OR10G4: variants seen among roughly 807,000 people sequenced by gnomAD.
OR10G4 encodes the protein olfactory receptor family 10 subfamily G member 4.
For synonymous variants in OR10G4, 130 were observed against 159.3 expected (o/e 0.82, Z 1.39); for missense variants, 318 against 388.8 (o/e 0.82, Z 1.53).
Position 124,015,534 on chromosome 11 carries a change from C to G in OR10G4, c.-27-14C>G, listed in dbSNP as rs761967122. ...AATTAAGTGCTAAATGCTGGGTGCTCTTTATATCCCCAGAGGGAGAGAGAC... is the reference window on the plus strand; with the variant it reads ...AATTAAGTGCTAAATGCTGGGTGCTGTTTATATCCCCAGAGGGAGAGAGAC... On this transcript the variant is annotated splice_polypyrimidine_tract_variant and intron_variant, in intron 1 of 1. Transcript: ENST00000641722. The G allele has an allele frequency of 6.3e-7, 1 of 1,593,988 alleles. No homozygotes were observed. The highest frequency in any genetic ancestry group is 8.6e-7 in the Non-Finnish European group (1 of 1,167,692).
At position 124,015,434 on chromosome 11, in the gene OR10G4, C is replaced by A. The variant is rs996058182; in HGVS notation, c.-27-114C>A. On this transcript the variant is annotated intron_variant, in intron 1 of 1. Coordinates refer to ENST00000641722, the MANE Select transcript of OR10G4 (RefSeq NM_001004462.2). The stretch of plus-strand genomic sequence containing the variant: ...TCTGTGAGGGAAGCTTTGTAACAAG[C>A]GAAGTGCAGGATAACTCCAGAATTA... The A allele has an allele frequency of 4.9e-6, 5 of 1,010,196 alleles. No individual in the cohort carries two copies. In the Admixed American group the frequency reaches 8.3e-5, roughly 17 times the overall value. 62.6% of individuals were successfully genotyped at this position (1,010,196 alleles called of 1,614,324 possible). A position where few individuals can be genotyped will look rare whatever the true frequency, so the allele number is the denominator to read the frequency against.
rs569029260 is a variant in OR10G4, at chr11:124,017,451, T to A, written c.*941T>A. 1 of 152,280 alleles carries A rather than the reference T, an allele frequency of 6.6e-6. No individual in the cohort carries two copies. The highest frequency in any genetic ancestry group is 2.4e-5 in the African/African-American group (1 of 41,552). 9.4% of individuals were successfully genotyped at this position (152,280 alleles called of 1,614,324 possible). A position where few individuals can be genotyped will look rare whatever the true frequency, so the allele number is the denominator to read the frequency against. The stretch of plus-strand genomic sequence containing the variant: ...GCTATAGGTCAGGAGTGTTAAACAT[T>A]CCACAATGCACAGGAGAGACCCTCA... On this transcript the variant is annotated 3_prime_UTR_variant, in exon 2 of 2. Transcript: ENST00000641722.
In OR10G4 at chr11:124,017,306, G is replaced by T. The variant is rs1483952467; in HGVS notation, c.*796G>T. On this transcript the variant is annotated 3_prime_UTR_variant, in exon 2 of 2. Transcript: ENST00000641722. ...TGCACCCATTTTTAATGTTTGTTAA[G>T]ATCCAATATAAAAAATTAAATCTCT... 2 of 152,088 alleles carry T rather than the reference G, an allele frequency of 1.3e-5. No homozygotes were observed. Among genetic ancestry groups the T allele is most frequent in the East Asian group, 3.9e-4 (2 of 5,192 alleles). The allele number at this position is 152,088 out of a possible 1,614,324, so 9.4% of individuals were successfully genotyped here.
rs899408707 is a variant in OR10G4, at chr11:124,016,781, A to T, written c.*271A>T. On this transcript the variant is annotated 3_prime_UTR_variant, in exon 2 of 2. Transcript: ENST00000641722. ...AACATATTTTAATCAAATCTCAGGGATAGATGATTAATTCATGTTTATAAA... is the reference window on the plus strand; with the variant it reads ...AACATATTTTAATCAAATCTCAGGGTTAGATGATTAATTCATGTTTATAAA... 8.0e-6 allele frequency: 2 copies of T among 251,174 alleles called. No individual in the cohort carries two copies. Among genetic ancestry groups the T allele is most frequent in the Non-Finnish European group, 1.5e-5 (2 of 132,334 alleles). 15.6% of individuals were successfully genotyped at this position (251,174 alleles called of 1,614,324 possible).
chr11:124,014,694 T>C (rs1863999958), intron 1 of OR10G4, among the ~76,000 whole-genome samples: 1 of 152,192 alleles, frequency 6.6e-6, no homozygotes, highest in Non-Finnish European at 1.5e-5. Flanking sequence ...AGGAAACTAG[T>C]GGATAATTTA....
rs1863985731 is a variant in OR10G4, at chr11:124,013,128, T to C, written c.-28+16T>C. 6.6e-6 allele frequency: 1 copy of C among 152,230 alleles called. No homozygotes were observed. The highest frequency in any genetic ancestry group is 1.5e-5 in the Non-Finnish European group (1 of 68,048). 9.4% of individuals were successfully genotyped at this position (152,230 alleles called of 1,614,324 possible). On this transcript the variant is annotated intron_variant, in intron 1 of 1. Transcript: ENST00000641722. ...ATACTGCAAGGTGAGTCCTTAGAAA[T>C]GCAGATTTAAACTTATTTTCTCTAT...
Position 124,013,120 on chromosome 11 carries a change from C to A in OR10G4, c.-28+8C>A, listed in dbSNP as rs149855179. The A allele has an allele frequency of 4.6e-5, 7 of 152,312 alleles. No individual in the cohort carries two copies. The East Asian group carries it at 1.3e-3, about 29-fold the overall frequency. The allele number at this position is 152,312 out of a possible 1,614,324, so 9.4% of individuals were successfully genotyped here. ...AGAATCACATACTGCAAGGTGAGTC[C>A]TTAGAAATGCAGATTTAAACTTATT... On this transcript the variant is annotated splice_region_variant and intron_variant, in intron 1 of 1. Transcript: ENST00000641722.
chr11:124,014,932 A>G (rs986823879), intron 1 of OR10G4: 5 of 153,542 alleles, frequency 3.3e-5, no homozygotes, highest in Non-Finnish European at 7.2e-5. Flanking sequence ...ATTTTGCTAC[A>G]GTAAACTGGA....
At chr11:124,014,430 G>A (rs1186422692) in intron 1 of OR10G4, among the ~76,000 whole-genome samples, 1 of 152,068 alleles carries the variant, frequency 6.6e-6, no homozygotes, top group Non-Finnish European at 1.5e-5. Flanking sequence ...TACCTGCCAG[G>A]GATAGTATTT....
At chr11:124,013,545 C>G (rs974726802) in intron 1 of OR10G4, among the ~76,000 whole-genome samples, 3 of 152,130 alleles carry the variant, frequency 2.0e-5, no homozygotes, top group African/African-American at 7.2e-5. Context: ...TTTGAAAACC[C>G]TTGCTTTAAT....
intron 1 of OR10G4, chr11:124,014,783 G>A (rs1255486640): frequency 6.6e-6 from 1 of 152,122 alleles, no homozygotes; most frequent in South Asian, 2.1e-4. Flanking sequence ...AATGAAAATA[G>A]AATATGGTAG....
At chr11:124,013,506 T>TAATG (rs563568013) in intron 1 of OR10G4, among the ~76,000 whole-genome samples, 412 of 152,354 alleles carry the variant, frequency 2.7e-3, no homozygotes, top group African/African-American at 9.2e-3. Flanking sequence ...GTGATTATAA[T>TAATG]AATGCTGCTT....
chr11:124,015,981 G>C lies in OR10G4; in HGVS notation c.407G>C (p.Ser136Thr), dbSNP rs755355653. 7.4e-6 allele frequency: 12 copies of C among 1,614,046 alleles called. No individual in the cohort carries two copies. Among genetic ancestry groups the C allele is most frequent in the Admixed American group, 5.0e-5 (3 of 60,016 alleles). Residue 136 changes from serine to threonine, a missense_variant, in exon 2 of 2, where the codon AGT becomes ACT. Transcript: ENST00000641722. ...CCGCTCAGGTACACCAGCATGATGA[G>C]TGGGAGCAGGTGTGCCCTCCTGGCC... is the stretch of plus-strand genomic sequence containing the variant. Reference protein sequence around the residue: ...SYPLRYTSMMSGSRCALLATG... With the variant: ...SYPLRYTSMMTGSRCALLATG...
rs1014510368 is a variant in OR10G4 at position 124,017,248 on chromosome 11, T to C, written c.*738T>C. 6.6e-6 allele frequency: 1 copy of C among 152,236 alleles called. No individual in the cohort carries two copies. The highest frequency in any genetic ancestry group is 1.5e-5 in the Non-Finnish European group (1 of 68,050). The allele number at this position is 152,236 out of a possible 1,614,324, so 9.4% of individuals were successfully genotyped here. On this transcript the variant is annotated 3_prime_UTR_variant, in exon 2 of 2. Coordinates refer to ENST00000641722, the MANE Select transcript of OR10G4 (RefSeq NM_001004462.2). ...CAATGATAACGAATGATCTAACAAC[T>C]ACATATATAATTGTTTACGCACTTT...
Position 124,018,629 on chromosome 11 carries a change from C to G in OR10G4, c.*2119C>G, listed in dbSNP as rs898784696. The G allele has an allele frequency of 4.6e-5, 7 of 152,124 alleles. No homozygotes were observed. Among genetic ancestry groups the G allele is most frequent in the Non-Finnish European group, 8.8e-5 (6 of 68,036 alleles). 9.4% of individuals were successfully genotyped at this position (152,124 alleles called of 1,614,324 possible). A position where few individuals can be genotyped will look rare whatever the true frequency, so the allele number is the denominator to read the frequency against. Reference sequence around the variant, plus strand: ...ATGGACATTTGGGTGGGTTCCAAGTCTTTGCTATTGTGAACAATGCTGCAA... The same window carrying G: ...ATGGACATTTGGGTGGGTTCCAAGTGTTTGCTATTGTGAACAATGCTGCAA... On this transcript the variant is annotated 3_prime_UTR_variant, in exon 2 of 2. Transcript: ENST00000641722.
chr11:124,015,718 G>A lies in OR10G4; in HGVS notation c.144G>A (p.Arg48=). The A allele has an allele frequency of 6.2e-7, 1 of 1,608,940 alleles. No homozygotes were observed. Among genetic ancestry groups the A allele is most frequent in the Non-Finnish European group, 8.5e-7 (1 of 1,176,328 alleles). ...LGNLLILLVI[R]VDSHLHTPMY... is the part of the protein sequence containing the mutation. ...ACCTCCTCATCCTGCTGGTGATCAG[G>A]GTGGATTCTCACCTCCACACCCCCA... is the stretch of plus-strand genomic sequence containing the variant. The change falls in exon 2 of 2, where the codon AGG becomes AGA. Residue 48 remains arginine, a synonymous_variant. Transcript: ENST00000641722.
intron 1 of OR10G4, among the ~76,000 whole-genome samples, chr11:124,014,594 T>C (rs1015774743): frequency 2.6e-5 from 4 of 152,216 alleles, no homozygotes; most frequent in African/African-American, 9.6e-5. Context: ...GAAATGCATG[T>C]ACGTATATAT....
chr11:124,015,706 G>A lies in OR10G4; in HGVS notation c.132G>A (p.Leu44=). 6.2e-7 allele frequency: 1 copy of A among 1,609,772 alleles called. No individual in the cohort carries two copies. Among genetic ancestry groups the A allele is most frequent in the Non-Finnish European group, 8.5e-7 (1 of 1,176,916 alleles). The change falls in exon 2 of 2, where the codon CTG becomes CTA. Residue 44 remains leucine (L), a synonymous_variant. Coordinates refer to ENST00000641722, the MANE Select transcript of OR10G4 (RefSeq NM_001004462.2). The stretch of plus-strand genomic sequence containing the variant: ...CTGTGCTGGGGAACCTCCTCATCCT[G>A]CTGGTGATCAGGGTGGATTCTCACC... ...VLTVLGNLLI[L]LVIRVDSHLH...
chr11:124,013,936 T>A (rs969549814), intron 1 of OR10G4, among the ~76,000 whole-genome samples: 16 of 152,128 alleles, frequency 1.1e-4, no homozygotes, highest in Non-Finnish European at 1.6e-4. Context: ...GGGGGCAAAA[T>A]GTTATCTCTA....
Sources: allele counts gnomAD v4.1 joint callset (sites outside exome capture counted in the v4.1 genomes callset), GRCh38; gene constraint gnomAD v4.1.1; transcripts MANE v1.5; gene names NCBI Gene and HGNC (gene_info 2026-07-23, HGNC 2026-07-21).